THRB: variants seen among roughly 807,000 people sequenced by gnomAD.
THRB encodes thyroid hormone receptor beta, also known as nuclear receptor subfamily 1 group A member 2.
THRB carries 12 observed loss-of-function variants against 47.8 expected under a neutral mutation model. The ratio of observed to expected loss-of-function variants is 0.25; its 90% CI spans 0.16 to 0.41. The LOEUF is 0.41. Among genes scored for constraint, THRB ranks in the 10% least tolerant of loss-of-function variants. The pLI, the probability that THRB is intolerant of heterozygous loss-of-function variation, is 1.00. For missense variants in THRB, 348 were observed against 589.2 expected (o/e 0.59, Z 4.24); for synonymous variants, 218 against 212.2 (o/e 1.03, Z -0.24).
At chr3:24,392,034 C>T (rs1005996895) in intron 1 of THRB, among the ~76,000 whole-genome samples, 4 of 152,196 alleles carry the variant, frequency 2.6e-5, no homozygotes, top group African/African-American at 7.2e-5. Flanking sequence ...CTCATGGTGG[C>T]GACCCCGCTG....
rs866573716 is a variant in THRB at position 24,218,361 on chromosome 3, T to A, written c.22+10577A>T. Among the ~76,000 whole-genome samples the A allele has an allele frequency of 6.9e-3, 918 of 132,690 alleles. 6 individuals carry two copies. The highest frequency in any genetic ancestry group is 0.027 in the South Asian group (109 of 4,076). 87.0% of individuals were successfully genotyped at this position (132,690 alleles called of 152,430 possible). On this transcript the variant is annotated intron_variant, in intron 4 of 10. Transcript: ENST00000646209. ...CTCTCTCTTTTTTTTTTTTTTTTTT[T>A]TAAAAAGAAAAGTCCTTAGCTGTAC...
At chr3:24,137,734 T>C (rs936107588) in intron 8 of THRB, among the ~76,000 whole-genome samples, 1 of 152,148 alleles carries the variant, frequency 6.6e-6, no homozygotes, top group Non-Finnish European at 1.5e-5. Context: ...ATGGGGCATC[T>C]ACTGAAGGGC....
At chr3:24,348,346 C>T (rs2063151528) in intron 1 of THRB, among the ~76,000 whole-genome samples, 1 of 152,056 alleles carries the variant, frequency 6.6e-6, no homozygotes, top group Non-Finnish European at 1.5e-5. Flanking sequence ...ACGCCCTGCC[C>T]CAGTGACCAG....
chr3:24,132,842 T>C (rs1476692616), intron 9 of THRB, among the ~76,000 whole-genome samples: 1 of 152,242 alleles, frequency 6.6e-6, no homozygotes, highest in African/African-American at 2.4e-5. Context: ...CACTGGGATA[T>C]GCACTGAGAA....
chr3:24,161,617 A>ACACACAC (rs34072230), intron 5 of THRB, among the ~76,000 whole-genome samples: 1 of 141,100 alleles, frequency 7.1e-6, no homozygotes, highest in Non-Finnish European at 1.5e-5. Context: ...AGAGCTACAG[A>ACACACAC]ACACACACAC....
At chr3:24,285,360 C>G (rs2055158841) in intron 3 of THRB, among the ~76,000 whole-genome samples, 1 of 148,204 alleles carries the variant, frequency 6.7e-6, no homozygotes, top group Admixed American at 6.9e-5. Flanking sequence ...CATATTCTCA[C>G]TCATAGGTGG....
chr3:24,276,102 C>A (rs1272603564), intron 3 of THRB, among the ~76,000 whole-genome samples: 2 of 151,796 alleles, frequency 1.3e-5, no homozygotes, highest in African/African-American at 4.8e-5. Context: ...TGAGTTAAAC[C>A]ATTATCATAC....
chr3:24,212,839 G>C (rs1418728943), intron 4 of THRB, among the ~76,000 whole-genome samples: 2 of 152,124 alleles, frequency 1.3e-5, no homozygotes, highest in Non-Finnish European at 2.9e-5. Flanking sequence ...GGATTCCTCT[G>C]TCTTCTGTAT....
chr3:24,332,885 T>C (rs1458934432), intron 2 of THRB, among the ~76,000 whole-genome samples: 1 of 151,952 alleles, frequency 6.6e-6, no homozygotes, highest in Non-Finnish European at 1.5e-5. Flanking sequence ...TGAAACCCCA[T>C]CTCTACTAAA....
chr3:24,416,660 G>T (rs940984599), intron 1 of THRB, among the ~76,000 whole-genome samples: 2 of 151,782 alleles, frequency 1.3e-5, no homozygotes, highest in Non-Finnish European at 2.9e-5. Context: ...TATTAACCTC[G>T]TTCTATCCCT....
intron 1 of THRB, among the ~76,000 whole-genome samples, chr3:24,369,744 G>GT (rs1384598263): frequency 3.3e-5 from 5 of 152,130 alleles, no homozygotes; most frequent in African/African-American, 4.8e-5. Flanking sequence ...TTGTCACACA[G>GT]TATGACAAAA....
chr3:24,229,383 C>T (rs1300407975), intron 3 of THRB, among the ~76,000 whole-genome samples: 1 of 152,176 alleles, frequency 6.6e-6, no homozygotes, highest in African/African-American at 2.4e-5. Context: ...GCAGTCTCGA[C>T]ATTGCCTGAG....
At chr3:24,230,107 A>G (rs1325013445) in intron 3 of THRB, among the ~76,000 whole-genome samples, 1 of 152,206 alleles carries the variant, frequency 6.6e-6, no homozygotes, top group South Asian at 2.1e-4. Context: ...TTGGAGAAGA[A>G]AAAGAACGAG....
intron 9 of THRB, among the ~76,000 whole-genome samples, chr3:24,131,667 T>A (rs1004850645): frequency 1.3e-5 from 2 of 152,150 alleles, no homozygotes; most frequent in Admixed American, 1.3e-4. Context: ...TGTGCCCTTG[T>A]AAAAGACATC....
intron 3 of THRB, among the ~76,000 whole-genome samples, chr3:24,263,408 CAAG>C (rs939761920): frequency 3.3e-5 from 5 of 152,138 alleles, no homozygotes; most frequent in African/African-American, 1.2e-4. Flanking sequence ...ACATAGTTAA[CAAG>C]AAGTTGAAGC....
At chr3:24,245,505 G>A (rs1205079087) in intron 3 of THRB, among the ~76,000 whole-genome samples, 1 of 152,138 alleles carries the variant, frequency 6.6e-6, no homozygotes. Flanking sequence ...TAGTGTGTGT[G>A]AAAGGGAAAG....
intron 1 of THRB, among the ~76,000 whole-genome samples, chr3:24,423,590 G>A (rs984621822): frequency 4.0e-5 from 6 of 151,784 alleles, no homozygotes; most frequent in East Asian, 2.0e-4. Flanking sequence ...GATGTTGAGC[G>A]CCACTGTTCA....
intron 5 of THRB, among the ~76,000 whole-genome samples, chr3:24,188,979 C>G (rs1299843023): frequency 6.6e-6 from 1 of 150,552 alleles, no homozygotes; most frequent in African/African-American, 2.5e-5. Context: ...TTCACTATTA[C>G]TTTTGAATAA....
At chr3:24,461,754 G>T (rs2073721234) in intron 1 of THRB, among the ~76,000 whole-genome samples, 1 of 152,070 alleles carries the variant, frequency 6.6e-6, no homozygotes, top group African/African-American at 2.4e-5. Flanking sequence ...TACTAAGGGG[G>T]CATGTCATAC....
Sources: allele counts gnomAD v4.1 joint callset (sites outside exome capture counted in the v4.1 genomes callset), GRCh38; gene constraint gnomAD v4.1.1; transcripts MANE v1.5; gene names NCBI Gene and HGNC (gene_info 2026-07-23, HGNC 2026-07-21).